LAMB4: variants seen among roughly 807,000 people sequenced by gnomAD.
The protein encoded by LAMB4 is laminin subunit beta 4.
In LAMB4, 196 loss-of-function variants were observed where a neutral mutation model predicts 199.2. That is an observed-to-expected ratio of 0.98 (90% CI 0.88 to 1.11). The LOEUF is 1.11. LAMB4 is among the 50% of genes least tolerant of loss of function. The pLI, the probability that LAMB4 is intolerant of heterozygous loss-of-function variation, is 0.00. For synonymous variants in LAMB4, 744 were observed against 770.6 expected (o/e 0.97, Z 0.57); for missense variants, 2,080 against 2,171.2 (o/e 0.96, Z 0.83).
chr7:108,032,206 A>G (rs577670409), intron 31 of LAMB4, among the ~76,000 whole-genome samples: 1 of 152,278 alleles, frequency 6.6e-6, no homozygotes, highest in Admixed American at 6.5e-5. Flanking sequence ...TCTGGCCAAC[A>G]TGGCGAAACC....
chr7:108,126,625 C>T (rs1371324252), intron 1 of LAMB4, among the ~76,000 whole-genome samples: 24 of 134,504 alleles, frequency 1.8e-4, no homozygotes, highest in South Asian at 2.3e-4. Flanking sequence ...ACTGCAGTGG[C>T]GCAATCTCGG....
intron 14 of LAMB4, among the ~76,000 whole-genome samples, chr7:108,081,047 G>A (rs1224058667): frequency 6.6e-6 from 1 of 152,130 alleles, no homozygotes; most frequent in Non-Finnish European, 1.5e-5. Flanking sequence ...GCTTGAACCT[G>A]GGAGGCAGAG....
In LAMB4 at chr7:108,091,644, G is replaced by A. The variant is rs752267653; in HGVS notation, c.1683C>T (p.Leu561=). The change falls in exon 14 of 34, where the codon CTC becomes CTT. Residue 561 remains leucine (L), a synonymous_variant. Transcript: ENST00000388781. The stretch of plus-strand genomic sequence containing the variant: ...TACGAACCAAAGGCGCCAGTCCTTG[G>A]AGTGTTGTGGCTTCCTCTGCCTCGT... ...YLYEAEEATT[L]QGLAPLGSET... is the part of the protein sequence containing the mutation. 1.9e-6 allele frequency: 3 copies of A among 1,613,908 alleles called. No homozygotes were observed. The highest frequency in any genetic ancestry group is 1.1e-5 in the South Asian group (1 of 91,032).
In LAMB4 at chr7:108,095,430, G is replaced by A. The variant is rs557792837; in HGVS notation, c.1361-93C>T. The A allele has an allele frequency of 3.0e-4, 270 of 903,216 alleles. No individual in the cohort carries two copies. In the African/African-American group the frequency reaches 3.1e-3, roughly 10 times the overall value. The allele number at this position is 903,216 out of a possible 1,614,324, so 56.0% of individuals were successfully genotyped here. On this transcript the variant is annotated intron_variant, in intron 11 of 33. Transcript: ENST00000388781. ...CTCACACAAAGCAAGAAGCATAACCGCAAGAACACAGAGAAGCCTGCCCTG... is the reference window on the plus strand; with the variant it reads ...CTCACACAAAGCAAGAAGCATAACCACAAGAACACAGAGAAGCCTGCCCTG...
intron 29 of LAMB4, among the ~76,000 whole-genome samples, chr7:108,038,890 G>A (rs745965771): frequency 4.6e-5 from 7 of 152,196 alleles, no homozygotes; most frequent in East Asian, 3.8e-4. Flanking sequence ...GGGGCTTGCC[G>A]TCAGGTGAGG....
intron 1 of LAMB4, among the ~76,000 whole-genome samples, chr7:108,124,512 A>G (rs1187441566): frequency 6.6e-6 from 1 of 152,154 alleles, no homozygotes; most frequent in East Asian, 1.9e-4. Flanking sequence ...ATACATATGT[A>G]TATGTGTGTA....
intron 28 of LAMB4, among the ~76,000 whole-genome samples, chr7:108,044,575 A>G (rs1053792619): frequency 6.6e-6 from 1 of 152,228 alleles, no homozygotes; most frequent in Admixed American, 6.5e-5. Context: ...AAGCAATAGG[A>G]CAATATTGCC....
Position 108,062,837 on chromosome 7 carries a change from A to G in LAMB4, c.3219T>C (p.Pro1073=). Residue 1073 remains proline (P), a synonymous_variant, in exon 23 of 34, where the codon CCT becomes CCC. Coordinates refer to ENST00000388781, the MANE Select transcript of LAMB4 (RefSeq NM_007356.3). ...AGTCACATGACTGACATCCTCTGCC[A>G]GGGACCAGATTCCAGTATCCATCAG... The part of the protein sequence containing the change: ...RCADGYWNLV[P]GRGCQSCDCD... 6.4e-7 allele frequency: 1 copy of G among 1,562,060 alleles called. No individual in the cohort carries two copies. Among genetic ancestry groups the G allele is most frequent in the Non-Finnish European group, 8.7e-7 (1 of 1,155,968 alleles).
rs200729086 is a variant in LAMB4, at chr7:108,107,659, G to A, written c.563C>T (p.Ser188Leu). ...TCCACCTGTTGAGGGTTCAATATCC[G>A]AGTATTTGGAGTCACAAACAATGTC... Reference protein sequence around the residue: ...VGDIVCDSKYSDIEPSTGGEV... With the variant: ...VGDIVCDSKYLDIEPSTGGEV... The change falls in exon 6 of 34, where the codon TCG becomes TTG. Residue 188 changes from serine to leucine, a missense_variant. By Grantham distance (145) the Ser-to-Leu change is moderately radical. Coordinates refer to ENST00000388781, the MANE Select transcript of LAMB4 (RefSeq NM_007356.3). 8.1e-6 allele frequency: 13 copies of A among 1,610,510 alleles called. No homozygotes were observed. Among genetic ancestry groups the A allele is most frequent in the South Asian group, 2.2e-5 (2 of 89,970 alleles).
intron 1 of LAMB4, among the ~76,000 whole-genome samples, chr7:108,126,460 C>T (rs2038781802): frequency 6.6e-6 from 1 of 151,696 alleles, no homozygotes; most frequent in South Asian, 2.1e-4. Flanking sequence ...TATGTAGAAT[C>T]GCACAATATT....
At chr7:108,126,687 C>T (rs1322818005) in intron 1 of LAMB4, among the ~76,000 whole-genome samples, 1 of 149,392 alleles carries the variant, frequency 6.7e-6, no homozygotes, top group East Asian at 2.0e-4. Context: ...GCCTCAGCCT[C>T]CCGAGTAGCT....
intron 17 of LAMB4, among the ~76,000 whole-genome samples, chr7:108,072,628 C>T (rs1227913677): frequency 6.6e-6 from 1 of 152,102 alleles, no homozygotes; most frequent in African/African-American, 2.4e-5. Flanking sequence ...TTCCCAGGAC[C>T]TCTAACCCCA....
At chr7:108,027,868 C>T (rs1390512113) in intron 33 of LAMB4, among the ~76,000 whole-genome samples, 7 of 151,984 alleles carry the variant, frequency 4.6e-5, no homozygotes, top group African/African-American at 1.7e-4. Context: ...CCGCAACCTC[C>T]GCCTCCTGGG....
rs187021694 is a variant in LAMB4 at position 108,024,156 on chromosome 7, A to G, written c.5169T>C (p.Asp1723=). The part of the protein sequence containing the change: ...RITDLERKIQ[D]LNLSRQAKAD... ...CTTTTGCTTGTCTACTTAGATTCAAATCTTGGATTTTCCTTTCTAAATCTG... is the reference window on the plus strand; with the variant it reads ...CTTTTGCTTGTCTACTTAGATTCAAGTCTTGGATTTTCCTTTCTAAATCTG... The change falls in exon 34 of 34, where the codon GAT becomes GAC. Residue 1723 remains aspartate (D), a synonymous_variant. Transcript: ENST00000388781. 9.4e-5 allele frequency: 148 copies of G among 1,571,028 alleles called. 1 individual carries two copies. The East Asian group carries it at 2.6e-3, about 28-fold the overall frequency.
rs376694939 is a variant in LAMB4 at position 108,109,177 on chromosome 7, G to C, written c.396C>G (p.Thr132=). 6.8e-6 allele frequency: 11 copies of C among 1,607,814 alleles called. No individual in the cohort carries two copies. Among genetic ancestry groups the C allele is most frequent in the Non-Finnish European group, 7.7e-6 (9 of 1,174,466 alleles). ...CAGGCCTATTAGTCTGTACCTTAAA[G>C]GTCAGGATAAGGTGGCTGAACCGAA... ...ALFRFSHLIL[T]FKTFRPAAML... The change falls in exon 5 of 34, where the codon ACC becomes ACG. Residue 132 remains threonine (T), a synonymous_variant. Transcript: ENST00000388781.
At chr7:108,113,471 T>C (rs1481648798) in intron 3 of LAMB4, among the ~76,000 whole-genome samples, 1 of 152,206 alleles carries the variant, frequency 6.6e-6, no homozygotes, top group East Asian at 1.9e-4. Flanking sequence ...CACTGGTCAC[T>C]ATAGGCCTTA....
intron 24 of LAMB4, among the ~76,000 whole-genome samples, chr7:108,057,419 G>A (rs906845729): frequency 6.6e-6 from 1 of 152,150 alleles, no homozygotes; most frequent in Non-Finnish European, 1.5e-5. Context: ...GCAAGGGAAT[G>A]AGCAATATTT....
At chr7:108,082,548 C>T (rs2036992299) in intron 14 of LAMB4, among the ~76,000 whole-genome samples, 2 of 152,036 alleles carry the variant, frequency 1.3e-5, no homozygotes, top group African/African-American at 4.8e-5. Flanking sequence ...ATATGTGGGT[C>T]AGGTAATAAA....
At chr7:108,062,321 C>T (rs2036191816) in intron 23 of LAMB4, 1 of 152,244 alleles carries the variant, frequency 6.6e-6, no homozygotes, top group Non-Finnish European at 1.5e-5. Flanking sequence ...GTCAAGAAGA[C>T]TTCTTATTTT....
Sources: gnomAD v4.1 joint callset for allele counts (sites outside exome capture counted in the v4.1 genomes callset) on GRCh38, gnomAD v4.1.1 for gene constraint, MANE v1.5 for transcripts, NCBI Gene and HGNC (gene_info 2026-07-23, HGNC 2026-07-21) for gene names.